Variants in OBSL1 observed in about 807,000 individuals in gnomAD.
OBSL1 encodes obscurin-like protein 1.
Under a neutral mutation model 172.0 loss-of-function variants are expected in OBSL1, and 160 were observed. That is an observed-to-expected ratio of 0.93 (90% CI 0.82 to 1.06). The LOEUF (loss-of-function observed/expected upper bound fraction) is 1.06. Among genes scored for constraint, OBSL1 ranks in the 50% least tolerant of loss-of-function variants. OBSL1 has a pLI of 0.00. For synonymous variants in OBSL1, 1,200 were observed against 1,196.3 expected, an observed-to-expected ratio of 1.00 and a Z score of -0.06; for missense variants, 2,681 against 2,715.4, an observed-to-expected ratio of 0.99 and a Z score of 0.28.
Position 219,557,392 on chromosome 2 carries a change from G to A in OBSL1, c.4017C>T (p.Tyr1339=). 6.5e-7 allele frequency: 1 copy of A among 1,543,124 alleles called. No homozygotes were observed. ...GGCTGTCCTGGGGCGCATCGCACAG[G>A]TACTCCCCAGCGTCCCCGCTCCGTG... ...QGARSGDAGE[Y]LCDAPQDSRI... is the part of the protein sequence containing the mutation. Residue 1339 remains tyrosine (Y), a synonymous_variant, in exon 12 of 21, where the codon TAC becomes TAT. Transcript: ENST00000404537.
In OBSL1 at chr2:219,563,432, G is replaced by A. The variant is rs372388995; in HGVS notation, c.2603C>T (p.Ala868Val). The stretch of plus-strand genomic sequence containing the variant: ...CTCGCCCCCGTCTGAGGGCTGGGTG[G>A]CGGGCAGCACCAGGCGGCGATGGGG... Reference protein sequence around the residue: ...EGPHRRLVLPATQPSDGGEFQ... With the variant: ...EGPHRRLVLPVTQPSDGGEFQ... The change falls in exon 7 of 21, where the codon GCC becomes GTC. Residue 868 changes from alanine (A) to valine (V), a missense_variant. Physicochemically the swap from Ala to Val is moderately conservative, Grantham distance 64. This residue lies in a region of OBSL1 where 1,765 missense variants were observed against 1,748.3 expected (regional missense o/e 1.01). Transcript: ENST00000404537. The A allele has an allele frequency of 8.1e-6, 13 of 1,613,342 alleles. No individual in the cohort carries two copies. The highest frequency in any genetic ancestry group is 1.7e-5 in the Admixed American group (1 of 59,960).
At position 219,551,528 on chromosome 2, in the gene OBSL1, C is replaced by T; in HGVS notation, c.5683+1G>A. On this transcript the variant is annotated splice_donor_variant, in intron 20 of 20. Coordinates refer to ENST00000404537, the MANE Select transcript of OBSL1 (RefSeq NM_015311.3). LOFTEE classifies it high-confidence loss of function. ...GCCGCTGCCCAGTTGGCTTTACTCA[C>T]CCTCTACCAGCAGCCGTGTGTGGGT... 2 of 1,583,994 alleles carry T rather than the reference C, an allele frequency of 1.3e-6. No homozygotes were observed. The highest frequency in any genetic ancestry group is 1.2e-5 in the South Asian group (1 of 86,796).
At chr2:219,550,048 G>C, downstream of OBSL1, 1 of 705,858 alleles carries the variant, frequency 1.4e-6, no homozygotes, top group Non-Finnish European at 2.3e-6. Context: ...GCTCCCAAGA[G>C]GCTCCTGAGG....
chr2:219,547,571 C>T, downstream of OBSL1: 1 of 1,468,204 alleles, frequency 6.8e-7, no homozygotes, highest in African/African-American at 1.4e-5. Context: ...GGTCATCTTC[C>T]TCCTCTGCTA....
chr2:219,557,721 G>A (rs1344493171), intron 11 of OBSL1, 102 bp downstream of exon 11: 1 of 1,533,732 alleles, frequency 6.5e-7, no homozygotes, highest in Non-Finnish European at 8.7e-7. Flanking sequence ...GTGGGGCCAG[G>A]GATGGGCAAG....
At chr2:219,554,766 A>G (rs1383787661) in intron 14 of OBSL1, 26 bp from the exon 15 acceptor site, 1 of 1,521,252 alleles carries the variant, frequency 6.6e-7, no homozygotes, top group African/African-American at 1.4e-5. Flanking sequence ...GGAGAGAGGG[A>G]GGATGAGGCC....
At chr2:219,561,772 T>A (rs970927717) in intron 8 of OBSL1, 1 of 678,578 alleles carries the variant, frequency 1.5e-6, no homozygotes, top group Admixed American at 2.2e-5. Flanking sequence ...CAAACTCAAA[T>A]GCCCACAGGG....
rs773904046 is a variant in OBSL1 at position 219,571,280 on chromosome 2, G to T, written c.-48C>A. On this transcript the variant is annotated 5_prime_UTR_variant, in exon 1 of 21. Coordinates refer to ENST00000404537, the MANE Select transcript of OBSL1 (RefSeq NM_015311.3). ...CGGCGAACGGTGGGGGGGCAGGGGG[G>T]GGTGCGGAGGGCGAGCCGAGGCCCG... 6.3e-5 allele frequency: 66 copies of T among 1,042,828 alleles called. 7 individuals carry two copies. The highest frequency in any genetic ancestry group is 6.8e-5 in the Non-Finnish European group (55 of 812,210). 64.6% of individuals were successfully genotyped at this position (1,042,828 alleles called of 1,614,324 possible). A position where few individuals can be genotyped will look rare whatever the true frequency, so the allele number is the denominator to read the frequency against.
intron 18 of OBSL1, 147 bp downstream of exon 18, chr2:219,552,389 G>T: frequency 1.2e-6 from 1 of 868,892 alleles, no homozygotes; most frequent in South Asian, 1.7e-5. Context: ...AGGGGCTGGG[G>T]GCGGGGGAAA....
intron 7 of OBSL1, 141 bp from the exon 8 acceptor site, chr2:219,562,815 C>G: frequency 2.4e-6 from 2 of 823,088 alleles, no homozygotes; most frequent in Non-Finnish European, 3.7e-6. Context: ...CAGCAGCTGA[C>G]AGTTACTCAC....
rs1379045685 is a variant in OBSL1, at chr2:219,557,996, C to T, written c.3617G>A (p.Trp1206Ter). ...CTGCACGGGCCTCCCATTGTGGCTC[C>T]AGACCACGGGGGCGCCAGCCCGGGA... is the stretch of plus-strand genomic sequence containing the variant. ...ELSRAGAPVV[W>*]SHNGRPVQEG... The change falls in exon 11 of 21, where the codon TGG becomes TAG. Residue 1206 changes from tryptophan to a stop codon, truncating the protein, a stop_gained. Transcript: ENST00000404537. LOFTEE classifies it high-confidence loss of function. The T allele has an allele frequency of 8.1e-6, 13 of 1,612,100 alleles. No individual in the cohort carries two copies. The East Asian group carries it at 2.7e-4, about 33-fold the overall frequency.
intron 13 of OBSL1, 35 bp from the exon 14 acceptor site, chr2:219,556,327 G>A (rs1210523390): frequency 1.3e-6 from 2 of 1,569,074 alleles, no homozygotes; most frequent in East Asian, 4.5e-5. Context: ...GAGTCTGGTG[G>A]GGTTGGAGGC....
In OBSL1 at chr2:219,565,249, A is replaced by G. The variant is rs765442360; in HGVS notation, c.2400T>C (p.Thr800=). The stretch of plus-strand genomic sequence containing the variant: ...GCTGGCATGCTTCCTGACCTTGGAC[A>G]GTGACGCCGAAGAAGGCCGAGACCC... ...TEGVSAFFGV[T]VQDPPVHIVD... Residue 800 remains threonine, a synonymous_variant, in exon 6 of 21, where the codon ACT becomes ACC. Coordinates refer to ENST00000404537, the MANE Select transcript of OBSL1 (RefSeq NM_015311.3). 46 of 1,609,226 alleles carry G rather than the reference A, an allele frequency of 2.9e-5. No homozygotes were observed. Among genetic ancestry groups the G allele is most frequent in the Non-Finnish European group, 3.9e-5 (46 of 1,176,920 alleles).
At chr2:219,550,994 A>C (rs1159056699) in intron 20 of OBSL1, 152 bp from the exon 21 acceptor site, 4 of 1,505,290 alleles carry the variant, frequency 2.7e-6, no homozygotes, top group Middle Eastern at 2.2e-4. Context: ...TCTTGGCGGC[A>C]GGAAGGTGGG....
rs2106032696 is a variant in OBSL1, at chr2:219,557,457, C to T, written c.3952G>A (p.Glu1318Lys). 6.5e-7 allele frequency: 1 copy of T among 1,548,608 alleles called. No individual in the cohort carries two copies. ...AGCACCTGCCTGGCCCCGGCCTGCT[C>T]CAGCTGCACCCGCCCCTGGCTTGCC... ...RLASQGRVQL[E>K]QAGARQVLRV... Residue 1318 changes from glutamate (E) to lysine (K), a missense_variant, in exon 12 of 21, where the codon GAG (glutamate) becomes AAG (lysine). By Grantham distance (56) the Glu-to-Lys change is moderately conservative. Coordinates refer to ENST00000404537, the MANE Select transcript of OBSL1 (RefSeq NM_015311.3).
At chr2:219,549,393 A>C, downstream of OBSL1, 1 of 1,588,902 alleles carries the variant, frequency 6.3e-7, no homozygotes, top group East Asian at 2.3e-5. Context: ...ATGAGAAGGA[A>C]GTGTGGAAAC....
In OBSL1 at chr2:219,570,772, A is replaced by T; in HGVS notation, c.461T>A (p.Leu154His). The part of the protein sequence containing the change: ...EVVLTCRAGG[L>H]PEPTLYWEKD... ...CTCCCAGTACAGTGTGGGCTCGGGGAGGCCCCCCGCCCGGCACGTCAGCAC... is the reference window on the plus strand; with the variant it reads ...CTCCCAGTACAGTGTGGGCTCGGGGTGGCCCCCCGCCCGGCACGTCAGCAC... The change falls in exon 1 of 21, where the codon CTC (leucine) becomes CAC (histidine). Residue 154 changes from leucine to histidine, a missense_variant. Physicochemically the swap from Leu to His is moderately conservative, Grantham distance 99 (BLOSUM62 -3). Around this residue, in one of 5 missense-constraint regions of OBSL1, gnomAD observed 706 missense variants for 695.8 expected, o/e 1.01. Transcript: ENST00000404537. 6.7e-7 allele frequency: 1 copy of T among 1,489,588 alleles called. No individual in the cohort carries two copies. The allele number at this position is 1,489,588 out of a possible 1,614,324, so 92.3% of individuals were successfully genotyped here.
chr2:219,552,701 G>C lies in OBSL1; in HGVS notation c.5147-4C>G. The C allele has an allele frequency of 6.6e-7, 1 of 1,521,532 alleles. No individual in the cohort carries two copies. Among genetic ancestry groups the C allele is most frequent in the Non-Finnish European group, 8.8e-7 (1 of 1,134,148 alleles). The allele number at this position is 1,521,532 out of a possible 1,614,324, so 94.3% of individuals were successfully genotyped here. A position where few individuals can be genotyped will look rare whatever the true frequency, so the allele number is the denominator to read the frequency against. On this transcript the variant is annotated splice_region_variant and splice_polypyrimidine_tract_variant and intron_variant, in intron 17 of 20. Coordinates refer to ENST00000404537, the MANE Select transcript of OBSL1 (RefSeq NM_015311.3). ...GAGAGTACCGCCACAGTACGCTCTG[G>C]GGCGGAGCCCGGGGCGTGAGCGGGG... is the stretch of plus-strand genomic sequence containing the variant.
In OBSL1 at chr2:219,552,153, T is replaced by C. The variant is rs763401247; in HGVS notation, c.5372A>G (p.Gln1791Arg). 3 of 1,611,868 alleles carry C rather than the reference T, an allele frequency of 1.9e-6. No individual in the cohort carries two copies. Among genetic ancestry groups the C allele is most frequent in the East Asian group, 2.2e-5 (1 of 44,824 alleles). The part of the protein sequence containing the change: ...RAEDAGEVRF[Q>R]AGPAQSLALL... The stretch of plus-strand genomic sequence containing the variant: ...AGCCAGGGACTGGGCGGGCCCCGCC[T>C]GGAAGCGGACTTCACCGGCGTCCTC... Residue 1791 changes from glutamine (Q) to arginine (R), a missense_variant, in exon 19 of 21, where the codon CAG becomes CGG. Around this residue, in one of 5 missense-constraint regions of OBSL1, gnomAD observed 1,765 missense variants for 1,748.3 expected, o/e 1.01. Transcript: ENST00000404537.
Sources: allele counts gnomAD v4.1 joint callset, GRCh38; gene constraint gnomAD v4.1.1; regional missense constraint gnomAD v4.1.1; transcripts MANE v1.5; gene names NCBI Gene and HGNC (gene_info 2026-07-23, HGNC 2026-07-21).